SEMA6D: variants seen among roughly 807,000 people sequenced by gnomAD.
SEMA6D encodes the protein semaphorin 6D.
A neutral mutation model predicts 106.6 loss-of-function variants in SEMA6D; 35 were observed. The observed-to-expected ratio is 0.33, with a 90% confidence interval of 0.25 to 0.44. The LOEUF is 0.44. Among genes scored for constraint, SEMA6D ranks in the 20% least tolerant of loss-of-function variants. The pLI, the probability that SEMA6D is intolerant of heterozygous loss-of-function variation, is 1.00. For missense variants in SEMA6D, 1,185 were observed against 1,345.9 expected (o/e 0.88, Z 1.87); for synonymous variants, 499 against 487.7 (o/e 1.02, Z -0.31).
chr15:47,307,556 ACTAATCTT>A (rs2036277987), intron 1 of SEMA6D, among the ~76,000 whole-genome samples: 1 of 152,134 alleles, frequency 6.6e-6, no homozygotes, highest in Non-Finnish European at 1.5e-5. Context: ...TCACAGATGT[ACTAATCTT>A]TGAGCTTAGT....
chr15:47,259,214 A>G (rs975597086), intron 1 of SEMA6D, among the ~76,000 whole-genome samples: 1 of 152,176 alleles, frequency 6.6e-6, no homozygotes, highest in Non-Finnish European at 1.5e-5. Flanking sequence ...TGAAAGAAGG[A>G]TAGTCTATTG....
intron 4 of SEMA6D, among the ~76,000 whole-genome samples, chr15:47,634,465 C>T (rs912761207): frequency 1.3e-5 from 2 of 152,130 alleles, no homozygotes; most frequent in African/African-American, 4.8e-5. Context: ...CTTCTGGGCC[C>T]CAGTGACACC....
intron 1 of SEMA6D, chr15:47,396,665 G>A (rs1024378608): frequency 2.0e-5 from 3 of 152,244 alleles, no homozygotes; most frequent in Admixed American, 2.0e-4. Flanking sequence ...TGATTAGCCC[G>A]TGCTCACCCA....
At chr15:47,448,591 C>T (rs1317003977) in intron 2 of SEMA6D, among the ~76,000 whole-genome samples, 1 of 152,132 alleles carries the variant, frequency 6.6e-6, no homozygotes, top group Non-Finnish European at 1.5e-5. Context: ...TTTTCCTAAG[C>T]AGGGCCTCCT....
At chr15:47,342,374 C>T (rs1253690685) in intron 1 of SEMA6D, among the ~76,000 whole-genome samples, 1 of 152,202 alleles carries the variant, frequency 6.6e-6, no homozygotes, top group African/African-American at 2.4e-5. Context: ...TTCTTTGTAA[C>T]AACTGCTAAT....
chr15:47,189,161 C>T lies in SEMA6D; in HGVS notation c.-239+4743C>T, dbSNP rs547049646. The stretch of plus-strand genomic sequence containing the variant: ...CCCATACACTTCTCTTTCCCTTTCT[C>T]TTTCTCTTTTCCTCTCTTCTCTTTC... On this transcript the variant is annotated intron_variant, in intron 1 of 19. Transcript: ENST00000558014. 3.9e-5 allele frequency among the ~76,000 whole-genome samples: 6 copies of T among 152,240 alleles called. No individual in the cohort carries two copies. The South Asian group carries it at 1.2e-3, about 32-fold the overall frequency.
intron 1 of SEMA6D, among the ~76,000 whole-genome samples, chr15:47,354,492 C>G (rs1002517347): frequency 8.6e-6 from 1 of 115,780 alleles, no homozygotes; most frequent in Non-Finnish European, 1.7e-5. Flanking sequence ...AGAAAAAGAA[C>G]TAAGTTATAT....
At chr15:47,672,056 C>T (rs893202157) in intron 4 of SEMA6D, among the ~76,000 whole-genome samples, 1 of 152,188 alleles carries the variant, frequency 6.6e-6, no homozygotes, top group African/African-American at 2.4e-5. Flanking sequence ...AGACTGCTAA[C>T]ATCCCTCTAT....
chr15:47,312,429 G>A (rs2036488019), intron 1 of SEMA6D, among the ~76,000 whole-genome samples: 4 of 151,952 alleles, frequency 2.6e-5, no homozygotes, highest in South Asian at 4.2e-4. Context: ...TGCTCCAGTC[G>A]GGCTGTTTTC....
At chr15:47,552,826 A>ATTT (rs71118185) in intron 3 of SEMA6D, among the ~76,000 whole-genome samples, 3 of 51,576 alleles carry the variant, frequency 5.8e-5, no homozygotes, top group Non-Finnish European at 6.0e-5. Flanking sequence ...AAATATATAT[A>ATTT]TTTTTATATA....
At chr15:47,586,425 G>T (rs1184973144) in intron 3 of SEMA6D, among the ~76,000 whole-genome samples, 1 of 152,136 alleles carries the variant, frequency 6.6e-6, no homozygotes, top group Admixed American at 6.5e-5. Context: ...GGCAGTCTTG[G>T]TTGGGCAAGG....
chr15:47,642,413 C>T (rs755167848), intron 4 of SEMA6D, among the ~76,000 whole-genome samples: 2 of 151,974 alleles, frequency 1.3e-5, no homozygotes, highest in South Asian at 2.1e-4. Context: ...TTTTTCCACT[C>T]TTCTGTACCA....
At chr15:47,670,461 C>G (rs1378414730) in intron 4 of SEMA6D, among the ~76,000 whole-genome samples, 1 of 152,144 alleles carries the variant, frequency 6.6e-6, no homozygotes, top group East Asian at 1.9e-4. Context: ...GAACCAAGGT[C>G]AGGAGTCTTG....
At chr15:47,319,350 T>C (rs899575538) in intron 1 of SEMA6D, among the ~76,000 whole-genome samples, 5 of 152,228 alleles carry the variant, frequency 3.3e-5, no homozygotes. Context: ...TGCCATTTTG[T>C]ATTCCTTGTA....
chr15:47,624,620 G>C (rs566548174), intron 4 of SEMA6D, among the ~76,000 whole-genome samples: 3 of 152,308 alleles, frequency 2.0e-5, no homozygotes, highest in East Asian at 3.9e-4. Context: ...CACAAATCTT[G>C]TAACACAAAT....
At chr15:47,578,195 T>G (rs1268867852) in intron 3 of SEMA6D, among the ~76,000 whole-genome samples, 2 of 152,210 alleles carry the variant, frequency 1.3e-5, no homozygotes, top group Admixed American at 1.3e-4. Context: ...ATCTTAACCA[T>G]CTCATTGAAC....
intron 1 of SEMA6D, among the ~76,000 whole-genome samples, chr15:47,231,386 C>T (rs553475467): frequency 1.3e-5 from 2 of 152,038 alleles, no homozygotes; most frequent in South Asian, 2.1e-4. Context: ...TCCATCCATT[C>T]CTCTTTCTTA....
chr15:47,375,588 G>A (rs893822020), intron 1 of SEMA6D, among the ~76,000 whole-genome samples: 1 of 152,074 alleles, frequency 6.6e-6, no homozygotes, highest in Admixed American at 6.5e-5. Context: ...CTACCCAGCT[G>A]GAGGAGATTT....
chr15:47,512,418 T>G (rs1383971745), intron 3 of SEMA6D, among the ~76,000 whole-genome samples: 2 of 152,132 alleles, frequency 1.3e-5, no homozygotes, highest in Non-Finnish European at 2.9e-5. Context: ...AACAGGAGGA[T>G]CCAGGAGGCA....
Sources: gnomAD v4.1 joint callset for allele counts (sites outside exome capture counted in the v4.1 genomes callset) on GRCh38, gnomAD v4.1.1 for gene constraint, MANE v1.5 for transcripts, NCBI Gene and HGNC (gene_info 2026-07-23, HGNC 2026-07-21) for gene names.